LRRIQ4: variants seen among roughly 807,000 people sequenced by gnomAD.
LRRIQ4 encodes the protein leucine-rich repeat and IQ domain-containing protein 4.
A neutral mutation model predicts 40.1 loss-of-function variants in LRRIQ4; 21 were observed. The ratio of observed to expected loss-of-function variants is 0.52; its 90% CI spans 0.37 to 0.75. LRRIQ4 has a LOEUF of 0.75. Among genes scored for constraint, LRRIQ4 ranks in the 30% least tolerant of loss-of-function variants. The probability of loss-of-function intolerance (pLI) is 0.00; values close to 1 mark genes in which losing one functional copy is unlikely to be tolerated. For synonymous variants in LRRIQ4, 277 were observed against 277.1 expected (o/e 1.00, Z 0.00); for missense variants, 655 against 660.0 (o/e 0.99, Z 0.08).
intron 4 of LRRIQ4, among the ~76,000 whole-genome samples, chr3:169,831,336 T>C (rs1283924710): frequency 7.4e-6 from 1 of 135,276 alleles, no homozygotes; most frequent in Non-Finnish European, 1.6e-5. Context: ...TGCAGTGGCG[T>C]GATCTCGGCT....
At chr3:169,823,740 C>T (rs1332838822) in intron 2 of LRRIQ4, among the ~76,000 whole-genome samples, 2 of 152,154 alleles carry the variant, frequency 1.3e-5, no homozygotes, top group Non-Finnish European at 2.9e-5. Flanking sequence ...GCCTAAAGTT[C>T]CATCCATAGG....
chr3:169,819,877 AG>A (rs1278469021), intron 1 of LRRIQ4, among the ~76,000 whole-genome samples: 2 of 152,250 alleles, frequency 1.3e-5, no homozygotes, highest in African/African-American at 4.8e-5. Context: ...TTTATCTTAC[AG>A]GACTGAACAG....
intron 5 of LRRIQ4, among the ~76,000 whole-genome samples, chr3:169,833,928 A>G (rs1780244512): frequency 6.6e-6 from 1 of 152,220 alleles, no homozygotes; most frequent in Non-Finnish European, 1.5e-5. Context: ...CCTCCCTTTT[A>G]TGATAAATCT....
intron 1 of LRRIQ4, among the ~76,000 whole-genome samples, chr3:169,818,588 G>A (rs1434832271): frequency 1.3e-5 from 2 of 152,202 alleles, no homozygotes; most frequent in African/African-American, 2.4e-5. Context: ...TTTTCAAGGC[G>A]AGAAAGGGAA....
In LRRIQ4 at chr3:169,827,996, T is replaced by G. The variant is rs75298743; in HGVS notation, c.1021-763T>G. Among the ~76,000 whole-genome samples, 137 of 152,260 alleles carry G rather than the reference T, an allele frequency of 9.0e-4. 1 individual carries two copies. In the East Asian group the frequency reaches 0.024, roughly 27 times the overall value. On this transcript the variant is annotated intron_variant, in intron 2 of 5. Coordinates refer to ENST00000340806, the MANE Select transcript of LRRIQ4 (RefSeq NM_001080460.3). ...ATAATGGAGTTCACTGAACACTGAT[T>G]AGAAATGGTGTGAATATATGTTTGC...
chr3:169,829,011 T>G, intron 3 of LRRIQ4, 79 bp downstream of exon 3: 8 of 1,202,434 alleles, frequency 6.7e-6, no homozygotes, highest in South Asian at 1.5e-5. Flanking sequence ...AAATATGAGG[T>G]CTCCACAGGC....
chr3:169,837,237 T>C lies in LRRIQ4; in HGVS notation c.1531-242T>C, dbSNP rs141376622. On this transcript the variant is annotated intron_variant, in intron 5 of 5. Transcript: ENST00000340806. Reference sequence around the variant, plus strand: ...AGCTCCATAAAGTTGAGACAGTTATTTCTCTGCTGTTGCCCAAAAGTCTAG... The same window carrying C: ...AGCTCCATAAAGTTGAGACAGTTATCTCTCTGCTGTTGCCCAAAAGTCTAG... Among the ~76,000 whole-genome samples the C allele has an allele frequency of 1.8e-4, 27 of 152,366 alleles. No individual in the cohort carries two copies. In the East Asian group the frequency reaches 5.0e-3, roughly 28 times the overall value.
In LRRIQ4 at chr3:169,830,578, T is replaced by C. The variant is rs1359206171; in HGVS notation, c.1281T>C (p.Asp427=). 1.2e-6 allele frequency: 2 copies of C among 1,613,738 alleles called. No homozygotes were observed. Among genetic ancestry groups the C allele is most frequent in the Non-Finnish European group, 1.7e-6 (2 of 1,179,862 alleles). The part of the protein sequence containing the change: ...LGSMPNLEVL[D]CRHNLLKQLP... ...CAATGCCTAACCTAGAAGTTCTTGA[T>C]TGCCGGCACAATTTGCTTAAGCAAC... Residue 427 remains aspartate, a synonymous_variant, in exon 4 of 6, where the codon GAT becomes GAC. Coordinates refer to ENST00000340806, the MANE Select transcript of LRRIQ4 (RefSeq NM_001080460.3).
chr3:169,837,773 A>G lies in LRRIQ4; in HGVS notation c.*142A>G. The stretch of plus-strand genomic sequence containing the variant: ...ATAAATGATTCTTACTTTTACTGAA[A>G]TATTTATGGATAAAATGATATAACA... On this transcript the variant is annotated 3_prime_UTR_variant, in exon 6 of 6. Coordinates refer to ENST00000340806, the MANE Select transcript of LRRIQ4 (RefSeq NM_001080460.3). The G allele has an allele frequency of 1.4e-6, 1 of 736,962 alleles. No homozygotes were observed. The highest frequency in any genetic ancestry group is 2.1e-6 in the Non-Finnish European group (1 of 471,234). The allele number at this position is 736,962 out of a possible 1,614,324, so 45.7% of individuals were successfully genotyped here.
intron 1 of LRRIQ4, 48 bp from the exon 2 acceptor site, chr3:169,821,842 TG>T: frequency 1.0e-6 from 1 of 960,800 alleles, no homozygotes; most frequent in Non-Finnish European, 1.5e-6. Context: ...ATAGCAAGTC[TG>T]GTGGCAGGTA....
chr3:169,829,831 G>T (rs1014130995), intron 3 of LRRIQ4, among the ~76,000 whole-genome samples: 1 of 152,168 alleles, frequency 6.6e-6, no homozygotes, highest in African/African-American at 2.4e-5. Context: ...TAAAGTAGGC[G>T]TGGGCCACCA....
At chr3:169,828,070 GGAT>G (rs1465361788) in intron 2 of LRRIQ4, among the ~76,000 whole-genome samples, 1 of 152,160 alleles carries the variant, frequency 6.6e-6, no homozygotes, top group African/African-American at 2.4e-5. Context: ...AAGCCTTTTA[GGAT>G]GAAGAGTCAT....
intron 5 of LRRIQ4, among the ~76,000 whole-genome samples, chr3:169,837,173 T>A (rs1376908311): frequency 6.6e-6 from 1 of 152,224 alleles, no homozygotes; most frequent in African/African-American, 2.4e-5. Flanking sequence ...TGAACATTCA[T>A]GTGTTTATTT....
At chr3:169,834,681 G>A (rs75711017) in intron 5 of LRRIQ4, among the ~76,000 whole-genome samples, 1 of 152,174 alleles carries the variant, frequency 6.6e-6, no homozygotes, top group African/African-American at 2.4e-5. Context: ...TTATTTTATA[G>A]GCAGAATTTT....
chr3:169,818,725 C>T (rs1430398567), intron 1 of LRRIQ4, among the ~76,000 whole-genome samples: 3 of 152,174 alleles, frequency 2.0e-5, no homozygotes, highest in Non-Finnish European at 4.4e-5. Context: ...CATGAATATC[C>T]AGTCTGAAGT....
intron 2 of LRRIQ4, among the ~76,000 whole-genome samples, chr3:169,825,081 C>T (rs1388610075): frequency 6.6e-6 from 1 of 150,882 alleles, no homozygotes; most frequent in Non-Finnish European, 1.5e-5. Flanking sequence ...CATCTCAGCT[C>T]ACTGCAACCT....
At chr3:169,824,804 T>C (rs1780004010) in intron 2 of LRRIQ4, among the ~76,000 whole-genome samples, 2 of 152,010 alleles carry the variant, frequency 1.3e-5, no homozygotes, top group South Asian at 4.1e-4. Context: ...TAAGCCACCA[T>C]GGCTGGCCTA....
At chr3:169,826,571 T>C (rs115386503) in intron 2 of LRRIQ4, among the ~76,000 whole-genome samples, 2,597 of 152,298 alleles carry the variant, frequency 0.017, 61 homozygotes, top group African/African-American at 0.059. Context: ...AACTAACTAC[T>C]GGATCTTAAA....
intron 1 of LRRIQ4, among the ~76,000 whole-genome samples, chr3:169,815,972 A>G (rs1225334515): frequency 6.6e-6 from 1 of 152,210 alleles, no homozygotes; most frequent in East Asian, 1.9e-4. Flanking sequence ...CCATCCTTGC[A>G]TTCCTAAGAT....
Sources: allele counts gnomAD v4.1 joint callset (sites outside exome capture counted in the v4.1 genomes callset), GRCh38; gene constraint gnomAD v4.1.1; transcripts MANE v1.5; gene names NCBI Gene and HGNC (gene_info 2026-07-23, HGNC 2026-07-21).